The following ACVR2A variants were observed in gnomAD, a reference collection of about 807,000 sequenced individuals.
ACVR2A encodes the protein activin receptor type-2A.
A neutral mutation model predicts 61.4 loss-of-function variants in ACVR2A; 7 were observed. That is an observed-to-expected ratio of 0.11 (90% confidence interval 0.06 to 0.21). The LOEUF is 0.21. ACVR2A is among the 10% of genes least tolerant of loss of function. The probability of loss-of-function intolerance (pLI) is 1.00; values close to 1 mark genes in which losing one functional copy is unlikely to be tolerated. For missense variants in ACVR2A, 322 were observed against 621.7 expected, an observed-to-expected ratio of 0.52 and a Z score of 5.13; for synonymous variants, 193 against 208.3, an observed-to-expected ratio of 0.93 and a Z score of 0.63.
intron 1 of ACVR2A, among the ~76,000 whole-genome samples, chr2:147,894,321 T>A (rs982659634): frequency 9.9e-5 from 15 of 152,158 alleles, no homozygotes; most frequent in African/African-American, 3.6e-4. Flanking sequence ...TTTGTACTTC[T>A]TTTTCAGAAT....
intron 1 of ACVR2A, among the ~76,000 whole-genome samples, chr2:147,894,300 A>G (rs1686669441): frequency 1.3e-5 from 2 of 152,160 alleles, no homozygotes; most frequent in Non-Finnish European, 2.9e-5. Flanking sequence ...ATCAGTTAGT[A>G]TGAATTCTCC....
Position 147,927,062 on chromosome 2 carries a change from A to G in ACVR2A, c.1348-18A>G, listed in dbSNP as rs563024145. 6.2e-7 allele frequency: 1 copy of G among 1,606,124 alleles called. No individual in the cohort carries two copies. Among genetic ancestry groups the G allele is most frequent in the African/African-American group, 1.3e-5 (1 of 74,422 alleles). On this transcript the variant is annotated intron_variant, in intron 10 of 10. Coordinates refer to ENST00000241416, the MANE Select transcript of ACVR2A (RefSeq NM_001616.5). ...AAAAACTGCTGTGGCGTTTGAGTAT[A>G]TGTTTTTCTCCTTTTAGGGAATGGC... is the stretch of plus-strand genomic sequence containing the variant.
chr2:147,870,293 T>A (rs1685979459), intron 1 of ACVR2A, among the ~76,000 whole-genome samples: 1 of 152,200 alleles, frequency 6.6e-6, no homozygotes, highest in South Asian at 2.1e-4. Context: ...CTCTCTTTAA[T>A]ATTCTACTTG....
intron 1 of ACVR2A, among the ~76,000 whole-genome samples, chr2:147,850,506 C>G (rs1194621561): frequency 2.0e-5 from 3 of 152,102 alleles, no homozygotes; most frequent in Admixed American, 1.3e-4. Context: ...TTTCGCTCAT[C>G]TTATTATTCA....
Position 147,927,215 on chromosome 2 carries a change from G to GT in ACVR2A, c.1484dup (p.Thr496AsnfsTer10). 1 of 1,612,118 alleles carries GT rather than the reference G, an allele frequency of 6.2e-7. No individual in the cohort carries two copies. The highest frequency in any genetic ancestry group is 8.5e-7 in the Non-Finnish European group (1 of 1,178,734). On this transcript the variant is annotated frameshift_variant, in exon 11 of 11. Transcript: ENST00000241416. LOFTEE classifies it high-confidence loss of function. Reference sequence around the variant, plus strand: ...AAATATTATTACCACAGAGGACATTGTAACAGTGGTCACAATGGTGACAAA... The same window carrying GT: ...AAATATTATTACCACAGAGGACATTGTTAACAGTGGTCACAATGGTGACAAA...
intron 1 of ACVR2A, among the ~76,000 whole-genome samples, chr2:147,892,792 A>G (rs542869313): frequency 5.3e-5 from 8 of 152,092 alleles, no homozygotes; most frequent in African/African-American, 1.9e-4. Flanking sequence ...ATAGTTAGAA[A>G]AAAAGGAATA....
At chr2:147,878,482 A>G (rs1686215612) in intron 1 of ACVR2A, among the ~76,000 whole-genome samples, 1 of 152,078 alleles carries the variant, frequency 6.6e-6, no homozygotes, top group Non-Finnish European at 1.5e-5. Context: ...AGGAACTATG[A>G]ACTAGATTTA....
chr2:147,879,184 G>A (rs1454089765), intron 1 of ACVR2A, among the ~76,000 whole-genome samples: 1 of 151,990 alleles, frequency 6.6e-6, no homozygotes, highest in African/African-American at 2.4e-5. Flanking sequence ...GTTTTACTCT[G>A]TTTTGTGTTG....
chr2:147,903,370 C>T (rs1294213860), intron 4 of ACVR2A, among the ~76,000 whole-genome samples: 1 of 151,086 alleles, frequency 6.6e-6, no homozygotes. Context: ...TTTACCAAGT[C>T]CTGTTCATTC....
At chr2:147,920,455 A>G in intron 8 of ACVR2A, 111 bp downstream of exon 8, 1 of 787,972 alleles carries the variant, frequency 1.3e-6, no homozygotes, top group South Asian at 1.8e-5. Flanking sequence ...TTAAATCAGC[A>G]TCTAATAGAG....
At chr2:147,864,917 A>G (rs1465273606) in intron 1 of ACVR2A, among the ~76,000 whole-genome samples, 3 of 152,198 alleles carry the variant, frequency 2.0e-5, no homozygotes, top group African/African-American at 7.2e-5. Context: ...ATGATAATCC[A>G]TATGCTCTAA....
At chr2:147,884,345 G>A (rs1686379634) in intron 1 of ACVR2A, among the ~76,000 whole-genome samples, 1 of 152,070 alleles carries the variant, frequency 6.6e-6, no homozygotes, top group South Asian at 2.1e-4. Context: ...TATGAGTTAG[G>A]GCCAGAGAAC....
At chr2:147,924,394 G>T (rs771135854) in intron 9 of ACVR2A, among the ~76,000 whole-genome samples, 10 of 151,960 alleles carry the variant, frequency 6.6e-5, no homozygotes, top group Non-Finnish European at 7.4e-5. Flanking sequence ...AGTGTGAGTT[G>T]TCTGGCCCAT....
chr2:147,912,056 C>G (rs1364656), intron 4 of ACVR2A, among the ~76,000 whole-genome samples: 1,705 of 152,014 alleles, frequency 0.011, 38 homozygotes, highest in East Asian at 0.051. Context: ...ATTTTGCTAT[C>G]TGAGGTTTAA....
At chr2:147,859,558 C>T (rs1235168745) in intron 1 of ACVR2A, among the ~76,000 whole-genome samples, 1 of 151,044 alleles carries the variant, frequency 6.6e-6, no homozygotes. Context: ...TTTTGTGAAA[C>T]TTCAGTTGTG....
At chr2:147,864,802 A>G (rs1045176351) in intron 1 of ACVR2A, among the ~76,000 whole-genome samples, 1 of 152,198 alleles carries the variant, frequency 6.6e-6, no homozygotes, top group African/African-American at 2.4e-5. Flanking sequence ...AAATCAACCA[A>G]CAATTAAGGG....
chr2:147,914,702 C>T (rs1687207468), intron 4 of ACVR2A, among the ~76,000 whole-genome samples: 1 of 151,910 alleles, frequency 6.6e-6, no homozygotes, highest in African/African-American at 2.4e-5. Context: ...AGAATGACTG[C>T]CGGTATCTCT....
chr2:147,864,178 A>G (rs1412922017), intron 1 of ACVR2A, among the ~76,000 whole-genome samples: 1 of 152,024 alleles, frequency 6.6e-6, no homozygotes, highest in Non-Finnish European at 1.5e-5. Context: ...TGATTAAATG[A>G]TGTAGCATAC....
In ACVR2A at chr2:147,901,749, G is replaced by A. The variant is rs1406759232; in HGVS notation, c.528+1851G>A. On this transcript the variant is annotated intron_variant, in intron 4 of 10. Coordinates refer to ENST00000241416, the MANE Select transcript of ACVR2A (RefSeq NM_001616.5). ...CTTTGGTATGAAAAATACAAGACAG[G>A]CCTGACTTTATGCTTTCCTTCTGTC... Among the ~76,000 whole-genome samples, 7 of 152,052 alleles carry A rather than the reference G, an allele frequency of 4.6e-5. No individual in the cohort carries two copies. In the South Asian group the frequency reaches 1.2e-3, roughly 27 times the overall value.
Sources: gnomAD v4.1 joint callset for allele counts (sites outside exome capture counted in the v4.1 genomes callset) on GRCh38, gnomAD v4.1.1 for gene constraint, MANE v1.5 for transcripts, NCBI Gene and HGNC (gene_info 2026-07-23, HGNC 2026-07-21) for gene names.